LARGE1: variants seen among roughly 807,000 people sequenced by gnomAD.
LARGE1 encodes the protein xylosyl- and glucuronyltransferase LARGE1.
Under a neutral mutation model 87.6 loss-of-function variants are expected in LARGE1, and 43 were observed. The observed-to-expected ratio is 0.49, with a 90% CI of 0.38 to 0.63. LARGE1 has a LOEUF of 0.63. Ranked by LOEUF, LARGE1 falls within the 30% of genes least tolerant of loss-of-function variation. The pLI is 0.00. For missense variants in LARGE1, 802 were observed against 1,000.2 expected (o/e 0.80, Z 2.67); for synonymous variants, 434 against 394.6 (o/e 1.10, Z -1.18).
At position 33,767,245 on chromosome 22, in the gene LARGE1, C is replaced by T. The variant is rs540404937; in HGVS notation, c.-82-5687G>A. On this transcript the variant is annotated intron_variant, in intron 1 of 14. Transcript: ENST00000397394. Reference sequence around the variant, plus strand: ...GCTGAGGCAGGAGAATTGCTTGAACCGGGGAGGCGGAGGTTACAATCAGCT... The same window carrying T: ...GCTGAGGCAGGAGAATTGCTTGAACTGGGGAGGCGGAGGTTACAATCAGCT... 7.3e-5 allele frequency among the ~76,000 whole-genome samples: 11 copies of T among 151,178 alleles called. No homozygotes were observed. The South Asian group carries it at 2.1e-3, about 29-fold the overall frequency.
chr22:33,561,520 G>C (rs2077861405), intron 6 of LARGE1, among the ~76,000 whole-genome samples: 1 of 152,188 alleles, frequency 6.6e-6, no homozygotes, highest in Non-Finnish European at 1.5e-5. Context: ...TGTTCTGTTA[G>C]GACAGGGCTG....
chr22:33,457,628 A>G (rs552348945), intron 6 of LARGE1, among the ~76,000 whole-genome samples: 1 of 152,232 alleles, frequency 6.6e-6, no homozygotes, highest in East Asian at 1.9e-4. Context: ...AATGTAAGTA[A>G]AAGTGTACAA....
chr22:33,651,708 G>T (rs1393717098), intron 2 of LARGE1, among the ~76,000 whole-genome samples: 1 of 152,212 alleles, frequency 6.6e-6, no homozygotes, highest in Admixed American at 6.5e-5. Flanking sequence ...CAAGGTCTGA[G>T]AAATGCTGGA....
At chr22:33,483,707 C>T (rs992792795) in intron 6 of LARGE1, among the ~76,000 whole-genome samples, 2 of 152,134 alleles carry the variant, frequency 1.3e-5, no homozygotes, top group Non-Finnish European at 2.9e-5. Context: ...GATCCTGCCT[C>T]GTTAAAGGAC....
chr22:33,599,692 A>T (rs2079066506), intron 5 of LARGE1, among the ~76,000 whole-genome samples: 1 of 152,172 alleles, frequency 6.6e-6, no homozygotes, highest in African/African-American at 2.4e-5. Context: ...GCACTAACAG[A>T]TATCATAAGG....
At chr22:33,599,294 C>T (rs1302452585) in intron 5 of LARGE1, among the ~76,000 whole-genome samples, 2 of 152,184 alleles carry the variant, frequency 1.3e-5, no homozygotes, top group Non-Finnish European at 2.9e-5. Context: ...TCATACTTAT[C>T]TTTCCAACCC....
chr22:33,646,270 T>C (rs910427851), intron 3 of LARGE1, among the ~76,000 whole-genome samples: 4 of 151,618 alleles, frequency 2.6e-5, no homozygotes, highest in African/African-American at 4.9e-5. Context: ...AAAGAATGAG[T>C]TCATGTCCTT....
At chr22:33,161,757 C>A (rs1487314021), downstream of LARGE1, among the ~76,000 whole-genome samples, 2 of 152,194 alleles carry the variant, frequency 1.3e-5, no homozygotes, top group African/African-American at 4.8e-5. Flanking sequence ...TAATACAGCC[C>A]CCCTCCCAGC....
intron 6 of LARGE1, among the ~76,000 whole-genome samples, chr22:33,454,800 G>C (rs1476520933): frequency 6.6e-6 from 1 of 151,998 alleles, no homozygotes; most frequent in Non-Finnish European, 1.5e-5. Context: ...AGAATGGGGG[G>C]AGGTGCCACC....
chr22:33,783,908 A>G (rs1009702582), intron 1 of LARGE1, among the ~76,000 whole-genome samples: 3 of 152,172 alleles, frequency 2.0e-5, no homozygotes, highest in African/African-American at 4.8e-5. Context: ...TCTTTCCTCA[A>G]TGGGCTCTAA....
intron 6 of LARGE1, among the ~76,000 whole-genome samples, chr22:33,552,405 C>T (rs888913970): frequency 1.3e-5 from 2 of 151,864 alleles, no homozygotes; most frequent in African/African-American, 4.8e-5. Flanking sequence ...CATGGGAGGG[C>T]TTACCAAGAG....
At chr22:33,658,398 A>G (rs1259520673) in intron 2 of LARGE1, among the ~76,000 whole-genome samples, 1 of 152,126 alleles carries the variant, frequency 6.6e-6, no homozygotes, top group Non-Finnish European at 1.5e-5. Context: ...CTTAGCTATT[A>G]AGCCCAGCAT....
At chr22:33,384,994 A>G (rs2065275375) in intron 7 of LARGE1, among the ~76,000 whole-genome samples, 1 of 148,622 alleles carries the variant, frequency 6.7e-6, no homozygotes, top group Admixed American at 6.7e-5. Context: ...TTGCTTGATG[A>G]TTACTGACAA....
At chr22:33,120,092 A>G in the LARGE1 span, among the ~76,000 whole-genome samples, 3 of 152,152 alleles carry the variant, frequency 2.0e-5, no homozygotes, top group Non-Finnish European at 4.4e-5. Flanking sequence ...TAGTAAATAT[A>G]TTGACTCTTG....
chr22:33,821,756 C>T (rs544871376), intron 1 of LARGE1, among the ~76,000 whole-genome samples: 6 of 151,962 alleles, frequency 3.9e-5, no homozygotes, highest in African/African-American at 1.5e-4. Flanking sequence ...TGTGTATATG[C>T]TATCAAAGGA....
intron 11 of LARGE1, among the ~76,000 whole-genome samples, chr22:33,258,810 C>G (rs139806050): frequency 8.7e-4 from 133 of 152,114 alleles, no homozygotes; most frequent in African/African-American, 2.5e-3. Context: ...GGACCCCTTT[C>G]CTGTAACAGC....
intron 6 of LARGE1, among the ~76,000 whole-genome samples, chr22:33,486,051 GC>G (rs1345830029): frequency 6.6e-6 from 1 of 152,188 alleles, no homozygotes; most frequent in Non-Finnish European, 1.5e-5. Context: ...CAGGACAATG[GC>G]CTTGCAGATG....
chr22:33,908,266 G>A (rs142845044), intron 1 of LARGE1, among the ~76,000 whole-genome samples: 183 of 152,238 alleles, frequency 1.2e-3, no homozygotes, highest in African/African-American at 4.3e-3. Context: ...AAAGGCTCCC[G>A]CTCTCTAGCA....
At chr22:33,786,950 A>G (rs1226190770) in intron 1 of LARGE1, among the ~76,000 whole-genome samples, 1 of 151,538 alleles carries the variant, frequency 6.6e-6, no homozygotes, top group Non-Finnish European at 1.5e-5. Context: ...GAACCCGGGA[A>G]GCAGAGGTTG....
Sources: gnomAD v4.1 joint callset for allele counts (sites outside exome capture counted in the v4.1 genomes callset) on GRCh38, gnomAD v4.1.1 for gene constraint, MANE v1.5 for transcripts, NCBI Gene and HGNC (gene_info 2026-07-23, HGNC 2026-07-21) for gene names.